CFAP52: variants seen among roughly 807,000 people sequenced by gnomAD.
CFAP52 encodes cilia and flagella associated protein 52, also known as cilia- and flagella-associated protein 52.
CFAP52 carries 57 observed loss-of-function variants against 70.5 expected under a neutral mutation model. The observed-to-expected ratio is 0.81, with a 90% CI of 0.65 to 1.01. The LOEUF is 1.01. Ranked by LOEUF, CFAP52 falls within the 50% of genes least tolerant of loss-of-function variation. The pLI, the probability that CFAP52 is intolerant of heterozygous loss-of-function variation, is 0.00. For synonymous variants in CFAP52, 267 were observed against 292.5 expected (o/e 0.91, Z 0.89); for missense variants, 785 against 788.5 (o/e 1.00, Z 0.05).
At chr17:9,614,034 C>T (rs1044482841) in intron 8 of CFAP52, among the ~76,000 whole-genome samples, 1 of 151,898 alleles carries the variant, frequency 6.6e-6, no homozygotes, top group African/African-American at 2.4e-5. Context: ...AACTGTTTGG[C>T]CCTGGTGCTT....
intron 10 of CFAP52, 126 bp downstream of exon 10, chr17:9,633,159 T>G: frequency 9.1e-7 from 1 of 1,103,764 alleles, no homozygotes; most frequent in Non-Finnish European, 1.3e-6. Context: ...ATTGACATTT[T>G]GATGAGATCT....
intron 4 of CFAP52, among the ~76,000 whole-genome samples, chr17:9,596,720 G>T (rs530302424): frequency 4.6e-4 from 69 of 149,632 alleles, no homozygotes; most frequent in East Asian, 2.8e-3. Context: ...GTGTGTGTGT[G>T]TGTTTTTTTT....
At chr17:9,586,330 T>C (rs561949550) in intron 2 of CFAP52, among the ~76,000 whole-genome samples, 1 of 152,094 alleles carries the variant, frequency 6.6e-6, no homozygotes, top group South Asian at 2.1e-4. Context: ...TTGGGAGGCC[T>C]AGACGGTCGG....
intron 9 of CFAP52, among the ~76,000 whole-genome samples, chr17:9,629,826 G>T (rs927809276): frequency 6.6e-6 from 1 of 151,936 alleles, no homozygotes; most frequent in Non-Finnish European, 1.5e-5. Flanking sequence ...CCGACCTCAG[G>T]CAATCCACCC....
chr17:9,636,905 C>T (rs770318141), intron 11 of CFAP52, among the ~76,000 whole-genome samples: 50 of 152,078 alleles, frequency 3.3e-4, no homozygotes, highest in Non-Finnish European at 5.9e-4. Flanking sequence ...AGTAGCTGGG[C>T]GTGGTGGCGC....
intron 10 of CFAP52, among the ~76,000 whole-genome samples, chr17:9,633,823 C>T (rs576432580): frequency 3.3e-5 from 5 of 151,984 alleles, no homozygotes; most frequent in African/African-American, 9.7e-5. Flanking sequence ...ACTACAGGTG[C>T]CTGCCACCAC....
At chr17:9,630,947 C>A (rs2151948991) in intron 9 of CFAP52, among the ~76,000 whole-genome samples, 1 of 146,776 alleles carries the variant, frequency 6.8e-6, no homozygotes, top group South Asian at 2.2e-4. Context: ...GATCGCACCA[C>A]TGCACTCCAG....
intron 8 of CFAP52, among the ~76,000 whole-genome samples, chr17:9,617,002 T>C (rs1261288973): frequency 1.2e-5 from 1 of 82,906 alleles, no homozygotes; most frequent in Non-Finnish European, 2.1e-5. Context: ...GGATGGAGAA[T>C]GATTTTGACG....
At chr17:9,639,947 G>T (rs1910978310) in intron 12 of CFAP52, among the ~76,000 whole-genome samples, 1 of 152,180 alleles carries the variant, frequency 6.6e-6, no homozygotes, top group African/African-American at 2.4e-5. Flanking sequence ...CTGTGGGTGT[G>T]AATCCTGAGA....
At chr17:9,610,945 G>T (rs1438140905) in intron 7 of CFAP52, among the ~76,000 whole-genome samples, 2 of 152,170 alleles carry the variant, frequency 1.3e-5, no homozygotes, top group Non-Finnish European at 2.9e-5. Context: ...CAGATATAAA[G>T]GAGCAACATC....
chr17:9,632,825 C>A, intron 9 of CFAP52, 63 bp from the exon 10 acceptor site: 4 of 1,571,192 alleles, frequency 2.5e-6, no homozygotes, highest in South Asian at 2.4e-5. Context: ...GTGAGGCCAG[C>A]AGACTGTGGA....
intron 3 of CFAP52, chr17:9,589,821 C>T (rs1351612752): frequency 3.2e-4 from 1 of 3,142 alleles, no homozygotes; most frequent in Non-Finnish European, 1.0e-3. Context: ...TTTTTGCAAG[C>T]AGAAAAAGCC....
At chr17:9,591,030 C>CTTTTTTTTTTT (rs34888799) in intron 3 of CFAP52, among the ~76,000 whole-genome samples, 3 of 76,754 alleles carry the variant, frequency 3.9e-5, no homozygotes, top group Admixed American at 2.0e-4. Flanking sequence ...TTGCATGCAT[C>CTTTTTTTTTTT]TTTTTTTTTT....
At position 9,608,001 on chromosome 17, in the gene CFAP52, A is replaced by T. The variant is rs189620315; in HGVS notation, c.754-118A>T. On this transcript the variant is annotated intron_variant, in intron 6 of 13. Coordinates refer to ENST00000352665, the MANE Select transcript of CFAP52 (RefSeq NM_145054.5). ...TTTCTTTTTTTCATTAATATTTAAA[A>T]TTTTTTTTATTGCCATATGTTTTTG... The T allele has an allele frequency of 1.1e-3, 791 of 692,774 alleles. 1 individual carries two copies. In the Middle Eastern group the frequency reaches 0.012, roughly 11 times the overall value. 42.9% of individuals were successfully genotyped at this position (692,774 alleles called of 1,614,324 possible).
intron 3 of CFAP52, among the ~76,000 whole-genome samples, chr17:9,591,785 G>A (rs1908772519): frequency 6.6e-6 from 1 of 152,088 alleles, no homozygotes; most frequent in Non-Finnish European, 1.5e-5. Flanking sequence ...GGCTGAAGTG[G>A]GAGGATTGCT....
intron 4 of CFAP52, among the ~76,000 whole-genome samples, chr17:9,597,799 CAG>C (rs1383365178): frequency 8.9e-6 from 1 of 111,792 alleles, no homozygotes; most frequent in Non-Finnish European, 1.7e-5. Flanking sequence ...GGGACTCTGT[CAG>C]AAAGAGAGAG....
chr17:9,580,071 A>G (rs192191941), intron 1 of CFAP52, among the ~76,000 whole-genome samples: 11 of 152,360 alleles, frequency 7.2e-5, no homozygotes, highest in Admixed American at 3.9e-4. Context: ...ATTATGGTAT[A>G]CAAAGAGTTC....
intron 1 of CFAP52, among the ~76,000 whole-genome samples, chr17:9,579,088 G>A (rs948192912): frequency 6.6e-6 from 1 of 152,130 alleles, no homozygotes; most frequent in Non-Finnish European, 1.5e-5. Context: ...TCAGTGGCTG[G>A]GGTGGGGCAG....
intron 3 of CFAP52, among the ~76,000 whole-genome samples, chr17:9,587,940 T>G (rs1225369900): frequency 6.6e-6 from 1 of 152,180 alleles, no homozygotes; most frequent in Admixed American, 6.5e-5. Context: ...TGGCTGCATG[T>G]TGAAATCACC....
Sources: gnomAD v4.1 joint callset for allele counts (sites outside exome capture counted in the v4.1 genomes callset) on GRCh38, gnomAD v4.1.1 for gene constraint, MANE v1.5 for transcripts, NCBI Gene and HGNC (gene_info 2026-07-23, HGNC 2026-07-21) for gene names.